Variants in KANSL1L observed in about 807,000 individuals in gnomAD.
KANSL1L encodes KAT8 regulatory NSL complex subunit 1 like, also known as KAT8 regulatory NSL complex subunit 1-like protein.
KANSL1L carries 25 observed loss-of-function variants against 108.6 expected under a neutral mutation model. The ratio of observed to expected loss-of-function variants is 0.23; its 90% CI spans 0.17 to 0.32. The LOEUF (loss-of-function observed/expected upper bound fraction) is 0.32, where lower values mean the gene tolerates loss of function less well. Ranked by LOEUF, KANSL1L falls within the 10% of genes least tolerant of loss-of-function variation. The pLI, the probability that KANSL1L is intolerant of heterozygous loss-of-function variation, is 1.00. For synonymous variants in KANSL1L, 405 were observed against 395.1 expected (o/e 1.03, Z -0.30); for missense variants, 1,137 against 1,125.7 (o/e 1.01, Z -0.14).
intron 1 of KANSL1L, among the ~76,000 whole-genome samples, chr2:210,163,912 A>G (rs1171606023): frequency 6.6e-6 from 1 of 152,146 alleles, no homozygotes; most frequent in Non-Finnish European, 1.5e-5. Flanking sequence ...TCTTGAACAA[A>G]TACTATCCAA....
intron 3 of KANSL1L, among the ~76,000 whole-genome samples, chr2:210,116,806 ATAAC>A (rs1175424068): frequency 6.6e-6 from 1 of 152,196 alleles, no homozygotes; most frequent in East Asian, 1.9e-4. Flanking sequence ...AGACTAATAA[ATAAC>A]TAACTTTTCA....
At chr2:210,069,553 AG>A (rs2094491504) in intron 6 of KANSL1L, among the ~76,000 whole-genome samples, 1 of 152,102 alleles carries the variant, frequency 6.6e-6, no homozygotes, top group Admixed American at 6.5e-5. Flanking sequence ...AATTACCATA[AG>A]GTGAGTGATT....
At chr2:210,143,837 C>G (rs1313594384) in intron 2 of KANSL1L, among the ~76,000 whole-genome samples, 1 of 152,096 alleles carries the variant, frequency 6.6e-6, no homozygotes, top group African/African-American at 2.4e-5. Flanking sequence ...ATTTTAATAG[C>G]TTTGTCTTTT....
intron 3 of KANSL1L, among the ~76,000 whole-genome samples, chr2:210,119,220 A>G (rs911246340): frequency 1.3e-5 from 2 of 152,100 alleles, no homozygotes; most frequent in African/African-American, 4.8e-5. Context: ...AGAAAAGCCC[A>G]GGACCCAATG....
At position 210,104,214 on chromosome 2, in the gene KANSL1L, T is replaced by C. The variant is rs200658348; in HGVS notation, c.1318A>G (p.Ile440Val). 2 of 1,613,744 alleles carry C rather than the reference T, an allele frequency of 1.2e-6. No homozygotes were observed. The highest frequency in any genetic ancestry group is 2.7e-5 in the African/African-American group (2 of 75,066). Residue 440 changes from isoleucine to valine, a missense_variant, in exon 4 of 15, where the codon ATT (isoleucine) becomes GTT (valine). This residue lies in a region of KANSL1L where 556 missense variants were observed against 537.7 expected (regional missense o/e 1.03). Coordinates refer to ENST00000281772, the MANE Select transcript of KANSL1L (RefSeq NM_152519.4). Reference protein sequence around the residue: ...QFADQAASLNILGNPQVPQEC... With the variant: ...QFADQAASLNVLGNPQVPQEC... ...TGGGGAACCTGAGGATTCCCTAGAATGTTTAGTGAAGCTGCTTGGTCTGCA... is the reference window on the plus strand; with the variant it reads ...TGGGGAACCTGAGGATTCCCTAGAACGTTTAGTGAAGCTGCTTGGTCTGCA...
chr2:210,055,104 G>A (rs2094336127), intron 6 of KANSL1L, among the ~76,000 whole-genome samples: 1 of 152,148 alleles, frequency 6.6e-6, no homozygotes, highest in Admixed American at 6.6e-5. Context: ...TTGAATCATA[G>A]GGGTAGTTAC....
intron 12 of KANSL1L, among the ~76,000 whole-genome samples, chr2:210,026,558 A>G (rs1243354596): frequency 2.6e-5 from 4 of 152,236 alleles, no homozygotes; most frequent in Admixed American, 2.6e-4. Flanking sequence ...TACAGGTATT[A>G]CGTGATATGT....
At chr2:210,144,761 T>C (rs957435078) in intron 2 of KANSL1L, among the ~76,000 whole-genome samples, 1 of 152,222 alleles carries the variant, frequency 6.6e-6, no homozygotes, top group African/African-American at 2.4e-5. Context: ...GGTAGTTTAC[T>C]GAGCCACCTT....
intron 8 of KANSL1L, 135 bp downstream of exon 8, chr2:210,040,285 G>A (rs778959001): frequency 4.4e-5 from 28 of 636,046 alleles, no homozygotes; most frequent in Middle Eastern, 7.1e-4. Flanking sequence ...TACATGAGTT[G>A]TAAAAAGTGA....
At chr2:210,161,073 C>T (rs545663254) in intron 1 of KANSL1L, among the ~76,000 whole-genome samples, 2 of 151,286 alleles carry the variant, frequency 1.3e-5, no homozygotes, top group South Asian at 4.2e-4. Context: ...ACCGCAACCT[C>T]CGCCTCCCAG....
chr2:210,063,188 A>C (rs1037928930), intron 6 of KANSL1L, among the ~76,000 whole-genome samples: 1 of 152,214 alleles, frequency 6.6e-6, no homozygotes, highest in Admixed American at 6.5e-5. Context: ...GGCAGTTTCC[A>C]TGTGGTGTTG....
chr2:210,167,268 T>A (rs1688039927), intron 1 of KANSL1L, among the ~76,000 whole-genome samples: 1 of 152,028 alleles, frequency 6.6e-6, no homozygotes, highest in Admixed American at 6.5e-5. Context: ...CTGGCATAAC[T>A]AGGATTCAGT....
intron 10 of KANSL1L, 33 bp downstream of exon 10, chr2:210,029,770 C>T: frequency 2.8e-6 from 3 of 1,058,920 alleles, no homozygotes; most frequent in South Asian, 3.0e-5. Context: ...ATTTTTAAAG[C>T]TATTTTAGAG....
At chr2:210,101,865 G>A (rs2094796738) in intron 4 of KANSL1L, among the ~76,000 whole-genome samples, 1 of 152,126 alleles carries the variant, frequency 6.6e-6, no homozygotes, top group African/African-American at 2.4e-5. Context: ...TTACTTCCTT[G>A]TATGTCAGAA....
chr2:210,135,873 C>A (rs969588368), intron 2 of KANSL1L, among the ~76,000 whole-genome samples: 1 of 152,112 alleles, frequency 6.6e-6, no homozygotes, highest in African/African-American at 2.4e-5. Flanking sequence ...TGTTCATTGT[C>A]TTTAAGATGA....
intron 2 of KANSL1L, among the ~76,000 whole-genome samples, chr2:210,141,869 G>A (rs1575606303): frequency 6.6e-6 from 1 of 152,078 alleles, no homozygotes; most frequent in African/African-American, 2.4e-5. Context: ...TTGTATATGT[G>A]GAACCATCCT....
Position 210,023,178 on chromosome 2 carries a change from G to C in KANSL1L, c.2735C>G (p.Ser912Cys), listed in dbSNP as rs368853601. The C allele has an allele frequency of 2.3e-5, 37 of 1,611,648 alleles. No homozygotes were observed. The African/African-American group carries it at 3.9e-4, about 17-fold the overall frequency. The change falls in exon 15 of 15, where the codon TCT becomes TGT. Residue 912 changes from serine (S) to cysteine (C), a missense_variant and splice_region_variant. Physicochemically the swap from Ser to Cys is moderately radical, Grantham distance 112. Transcript: ENST00000281772. ...PSLNQSQETK[S>C]LWWERRAFPL... The stretch of plus-strand genomic sequence containing the variant: ...AAAAGCCCGTCGTTCCCACCACAAA[G>C]ACTGAAAGGGGAAAAATTTTCAGTT...
chr2:210,038,899 T>C (rs1426539465), intron 8 of KANSL1L, among the ~76,000 whole-genome samples: 1 of 151,944 alleles, frequency 6.6e-6, no homozygotes, highest in East Asian at 1.9e-4. Flanking sequence ...AATAATTAAG[T>C]AATATAAAGC....
upstream of KANSL1L, among the ~76,000 whole-genome samples, chr2:210,172,232 T>A (rs188635280): frequency 1.4e-4 from 21 of 152,326 alleles, no homozygotes; most frequent in East Asian, 2.3e-3. Flanking sequence ...TCGATTTTTT[T>A]AAAACTGAAC....
Sources: gnomAD v4.1 joint callset for allele counts (sites outside exome capture counted in the v4.1 genomes callset) on GRCh38, gnomAD v4.1.1 for gene constraint, gnomAD v4.1.1 regional missense constraint, MANE v1.5 for transcripts, NCBI Gene and HGNC (gene_info 2026-07-23, HGNC 2026-07-21) for gene names.